MSH3: variants seen among roughly 807,000 people sequenced by gnomAD.
MSH3 encodes mutS homolog 3.
In MSH3, 106 loss-of-function variants were observed where a neutral mutation model predicts 123.3. That is an observed-to-expected ratio of 0.86 (90% CI 0.73 to 1.01). The LOEUF is 1.01. MSH3 is among the 50% of genes least tolerant of loss of function. The pLI is 0.00. For synonymous variants in MSH3, 515 were observed against 481.4 expected (o/e 1.07, Z -0.91); for missense variants, 1,459 against 1,347.6 (o/e 1.08, Z -1.29).
At position 80,854,256 on chromosome 5, in the gene MSH3, G is replaced by A. The variant is rs377742119; in HGVS notation, c.2940G>A (p.Gly980=). ...TTATCTTGGATGAACTAGGAAGAGG[G>A]ACGAGCACTCATGATGGAATTGCCA... The part of the protein sequence containing the change: ...SLVILDELGR[G]TSTHDGIAIA... Residue 980 remains glycine, a synonymous_variant, in exon 21 of 24, where the codon GGG becomes GGA. Coordinates refer to ENST00000265081, the MANE Select transcript of MSH3 (RefSeq NM_002439.5). 3.7e-6 allele frequency: 6 copies of A among 1,613,896 alleles called. No individual in the cohort carries two copies. Among genetic ancestry groups the A allele is most frequent in the Non-Finnish European group, 5.1e-6 (6 of 1,179,948 alleles).
intron 7 of MSH3, among the ~76,000 whole-genome samples, chr5:80,675,629 T>TC (rs1297789707): frequency 6.6e-6 from 1 of 152,068 alleles, no homozygotes; most frequent in Non-Finnish European, 1.5e-5. Context: ...CCACCAGGTC[T>TC]CCCCCTCAGC....
chr5:80,751,326 C>G (rs1056027190), intron 12 of MSH3, among the ~76,000 whole-genome samples: 1 of 152,138 alleles, frequency 6.6e-6, no homozygotes, highest in Non-Finnish European at 1.5e-5. Flanking sequence ...ATCATTAATG[C>G]TTTATGAAAA....
intron 20 of MSH3, among the ~76,000 whole-genome samples, chr5:80,831,355 C>T (rs1237918359): frequency 6.6e-6 from 1 of 152,066 alleles, no homozygotes; most frequent in African/African-American, 2.4e-5. Context: ...GTAATTCCAC[C>T]ACCTGGAGAT....
At chr5:80,754,931 A>G (rs1398869165) in intron 12 of MSH3, among the ~76,000 whole-genome samples, 2 of 152,138 alleles carry the variant, frequency 1.3e-5, no homozygotes, top group Non-Finnish European at 2.9e-5. Flanking sequence ...ACCAAATGTC[A>G]CTTTTAACTC....
rs1042980407 is a variant in MSH3, at chr5:80,725,644, A to G, written c.1453+79A>G. The G allele has an allele frequency of 1.6e-5, 15 of 926,902 alleles. No homozygotes were observed. In the Admixed American group the frequency reaches 2.6e-4, roughly 16 times the overall value. 57.4% of individuals were successfully genotyped at this position (926,902 alleles called of 1,614,324 possible). On this transcript the variant is annotated intron_variant, in intron 9 of 23. Transcript: ENST00000265081. ...AGGTATTAGTATGATTCTCAATTTAATGATGACTAGGTAGTTATTATAAAT... is the reference window on the plus strand; with the variant it reads ...AGGTATTAGTATGATTCTCAATTTAGTGATGACTAGGTAGTTATTATAAAT...
chr5:80,795,981 C>CA (rs1269834782), intron 19 of MSH3, among the ~76,000 whole-genome samples: 423 of 100,396 alleles, frequency 4.2e-3, no homozygotes, highest in African/African-American at 5.3e-3. Context: ...GAGACTGTCT[C>CA]AAAAAAAAAA....
chr5:80,748,434 T>A (rs1219604485), intron 12 of MSH3, among the ~76,000 whole-genome samples: 1 of 152,190 alleles, frequency 6.6e-6, no homozygotes, highest in Non-Finnish European at 1.5e-5. Context: ...TGAGGCTGGA[T>A]TTTACTGTAC....
chr5:80,765,214 T>C (rs1744102794), intron 13 of MSH3, among the ~76,000 whole-genome samples: 2 of 152,244 alleles, frequency 1.3e-5, no homozygotes, highest in African/African-American at 4.8e-5. Flanking sequence ...GTGTCTCAGC[T>C]TGGAAAATTA....
intron 20 of MSH3, 82 bp downstream of exon 20, chr5:80,813,823 A>G (rs753126720): frequency 4.2e-5 from 60 of 1,439,034 alleles, no homozygotes; most frequent in South Asian, 5.7e-5. Flanking sequence ...TTTTGTGTAC[A>G]TATTTAGATG....
intron 18 of MSH3, among the ~76,000 whole-genome samples, chr5:80,791,867 A>G (rs918221364): frequency 1.8e-4 from 28 of 152,236 alleles, no homozygotes; most frequent in African/African-American, 5.5e-4. Flanking sequence ...AGCTGGTCTC[A>G]GTAGTAACAT....
chr5:80,870,866 A>G (rs1746200460), intron 22 of MSH3, among the ~76,000 whole-genome samples: 1 of 152,222 alleles, frequency 6.6e-6, no homozygotes, highest in Non-Finnish European at 1.5e-5. Flanking sequence ...TCATAAGTAT[A>G]CTGGGATTGT....
chr5:80,790,192 A>G (rs552532274), intron 18 of MSH3, among the ~76,000 whole-genome samples: 3 of 152,312 alleles, frequency 2.0e-5, no homozygotes, highest in Admixed American at 6.5e-5. Context: ...TCATTGCATC[A>G]TCGTTTATAA....
intron 19 of MSH3, among the ~76,000 whole-genome samples, chr5:80,806,030 A>G (rs35270380): frequency 2.0e-5 from 3 of 147,938 alleles, no homozygotes; most frequent in Non-Finnish European, 3.0e-5. Context: ...ATTCTCCTAT[A>G]ATTTTTTATA....
intron 19 of MSH3, 124 bp from the exon 20 acceptor site, chr5:80,813,460 C>A (rs549331264): frequency 2.2e-5 from 22 of 1,001,058 alleles, no homozygotes; most frequent in Non-Finnish European, 3.2e-5. Context: ...GGACCGCTTT[C>A]CTTTTGTGAT....
intron 20 of MSH3, among the ~76,000 whole-genome samples, chr5:80,823,824 C>T (rs1307006286): frequency 6.6e-6 from 1 of 152,072 alleles, no homozygotes; most frequent in Admixed American, 6.6e-5. Context: ...TCTGGTTTTC[C>T]TAGGCAGAGG....
intron 20 of MSH3, among the ~76,000 whole-genome samples, chr5:80,843,600 CAG>C (rs1182515423): frequency 6.6e-6 from 1 of 152,164 alleles, no homozygotes; most frequent in Non-Finnish European, 1.5e-5. Flanking sequence ...CTGGTTTATT[CAG>C]AGTTTCAACT....
At chr5:80,672,578 C>T (rs923885187) in intron 5 of MSH3, among the ~76,000 whole-genome samples, 163 bp from the exon 6 acceptor site, 1 of 152,122 alleles carries the variant, frequency 6.6e-6, no homozygotes, top group Non-Finnish European at 1.5e-5. Context: ...GATAGTGTTT[C>T]TTAGCAAATT....
At chr5:80,828,440 G>C (rs922501274) in intron 20 of MSH3, among the ~76,000 whole-genome samples, 1 of 152,154 alleles carries the variant, frequency 6.6e-6, no homozygotes, top group Admixed American at 6.5e-5. Flanking sequence ...ATTTCAATGT[G>C]AGTTTTAGAG....
At chr5:80,655,231 C>T (rs1482236087) in intron 1 of MSH3, 3 of 334,040 alleles carry the variant, frequency 9.0e-6, no homozygotes, top group Non-Finnish European at 1.6e-5. Context: ...TCTCCTGACT[C>T]CCATTCTGAT....
Sources: gnomAD v4.1 joint callset for allele counts (sites outside exome capture counted in the v4.1 genomes callset) on GRCh38, gnomAD v4.1.1 for gene constraint, MANE v1.5 for transcripts, NCBI Gene and HGNC (gene_info 2026-07-23, HGNC 2026-07-21) for gene names.